APP: variants seen among roughly 807,000 people sequenced by gnomAD.
APP encodes the protein amyloid-beta precursor protein.
A neutral mutation model predicts 101.4 loss-of-function variants in APP; 31 were observed. The observed-to-expected ratio is 0.31, with a 90% CI of 0.23 to 0.41. APP has a LOEUF of 0.41. Among genes scored for constraint, APP ranks in the 10% least tolerant of loss-of-function variants. The probability of loss-of-function intolerance (pLI) is 1.00; values close to 1 mark genes in which losing one functional copy is unlikely to be tolerated. For missense variants in APP, 839 were observed against 1,003.7 expected, an observed-to-expected ratio of 0.84 and a Z score of 2.22; for synonymous variants, 366 against 364.4, an observed-to-expected ratio of 1.00 and a Z score of -0.05.
intron 1 of APP, among the ~76,000 whole-genome samples, chr21:26,137,166 G>GCCCAGGCTAAC (rs1304491414): frequency 6.6e-6 from 1 of 152,154 alleles, no homozygotes; most frequent in Non-Finnish European, 1.5e-5. Flanking sequence ...AACATCAAGT[G>GCCCAGGCTAAC]ATCCGCCCAC....
At chr21:25,974,085 G>A (rs1233968113) in intron 11 of APP, among the ~76,000 whole-genome samples, 1 of 151,874 alleles carries the variant, frequency 6.6e-6, no homozygotes, top group Admixed American at 6.6e-5. Flanking sequence ...CCTTTTTGGG[G>A]CAATGATCAC....
chr21:26,099,134 C>A (rs1339162495), intron 2 of APP, among the ~76,000 whole-genome samples: 1 of 150,734 alleles, frequency 6.6e-6, no homozygotes, highest in East Asian at 1.9e-4. Flanking sequence ...AGGAAACAGC[C>A]AGGTTTCTAA....
chr21:26,156,556 C>G (rs1379002747), intron 1 of APP, among the ~76,000 whole-genome samples: 1 of 151,914 alleles, frequency 6.6e-6, no homozygotes, highest in Non-Finnish European at 1.5e-5. Context: ...TATTTTAAAT[C>G]AGATAAAGCA....
At chr21:26,072,165 C>A (rs918069038) in intron 3 of APP, among the ~76,000 whole-genome samples, 18 of 152,160 alleles carry the variant, frequency 1.2e-4, no homozygotes, top group African/African-American at 4.3e-4. Context: ...CAAAAGACAT[C>A]TTTTATAACA....
intron 9 of APP, among the ~76,000 whole-genome samples, chr21:25,980,830 C>T (rs2146595292): frequency 6.6e-6 from 1 of 152,240 alleles, no homozygotes; most frequent in South Asian, 2.1e-4. Flanking sequence ...TTACTCAGCT[C>T]CCAAGAAGCC....
rs143442850 is a variant in APP, at chr21:26,012,935, G to A, written c.865+8905C>T. On this transcript the variant is annotated intron_variant, in intron 6 of 17. Transcript: ENST00000346798. ...ACGGAGGTTGCAGTGAGCCAAGATC[G>A]TGCCACTGAATCCCAGCCTGGGTGA... Among the ~76,000 whole-genome samples, 6 of 152,064 alleles carry A rather than the reference G, an allele frequency of 3.9e-5. No homozygotes were observed. The East Asian group carries it at 9.7e-4, about 24-fold the overall frequency.
At chr21:25,926,431 T>C (rs567816824) in intron 13 of APP, among the ~76,000 whole-genome samples, 120 of 152,242 alleles carry the variant, frequency 7.9e-4, no homozygotes, top group Non-Finnish European at 1.1e-3. Flanking sequence ...CCATCTGCGA[T>C]GCCAAAGCCA....
chr21:25,882,894 T>G (rs532586488), intron 17 of APP, among the ~76,000 whole-genome samples: 2 of 152,150 alleles, frequency 1.3e-5, no homozygotes, highest in Admixed American at 6.5e-5. Flanking sequence ...TTCCCCCTTG[T>G]TGAGTGTTGC....
intron 5 of APP, among the ~76,000 whole-genome samples, chr21:26,028,880 A>C (rs1176765185): frequency 1.3e-5 from 2 of 152,180 alleles, no homozygotes; most frequent in Non-Finnish European, 2.9e-5. Flanking sequence ...AGATGGGGCT[A>C]ATTGCTAATG....
chr21:26,075,190 A>T (rs2061479344), intron 3 of APP, among the ~76,000 whole-genome samples: 1 of 152,188 alleles, frequency 6.6e-6, no homozygotes, highest in South Asian at 2.1e-4. Flanking sequence ...CTATATATTT[A>T]TTAAATATGT....
chr21:26,091,719 G>T (rs1449759390), intron 2 of APP, among the ~76,000 whole-genome samples: 3 of 152,124 alleles, frequency 2.0e-5, no homozygotes, highest in African/African-American at 7.2e-5. Context: ...GCTGAGGTAG[G>T]GGGGCTTTTA....
chr21:26,149,099 A>G (rs13049230), intron 1 of APP, among the ~76,000 whole-genome samples: 50,902 of 152,052 alleles, frequency 0.33, 8,804 homozygotes, highest in African/African-American at 0.43. Context: ...GCTGGCAGCC[A>G]GGAACTGAGG....
At chr21:25,969,216 C>T (rs1477963883) in intron 11 of APP, among the ~76,000 whole-genome samples, 3 of 150,682 alleles carry the variant, frequency 2.0e-5, no homozygotes, top group African/African-American at 4.9e-5. Flanking sequence ...GGCATGGTGG[C>T]GGGTGCCTGT....
chr21:25,901,756 C>T (rs1468570431), intron 15 of APP, among the ~76,000 whole-genome samples: 1 of 152,128 alleles, frequency 6.6e-6, no homozygotes, highest in Non-Finnish European at 1.5e-5. Flanking sequence ...TCCTGTAAGT[C>T]ATGATGAGTG....
Position 25,898,314 on chromosome 21 carries a change from C to G in APP, c.1964-641G>C, listed in dbSNP as rs538896518. On this transcript the variant is annotated intron_variant, in intron 15 of 17. Transcript: ENST00000346798. ...CTTAGCAACTAACAGAATTTATAAC[C>G]TACGAACTCTTCCTTTTCTATAAAT... Among the ~76,000 whole-genome samples, 348 of 152,314 alleles carry G rather than the reference C, an allele frequency of 2.3e-3. 1 individual carries two copies. Among genetic ancestry groups the G allele is most frequent in the Middle Eastern group, 0.017 (5 of 294 alleles).
intron 6 of APP, among the ~76,000 whole-genome samples, chr21:26,018,421 T>C (rs1014253046): frequency 2.0e-5 from 3 of 152,240 alleles, no homozygotes; most frequent in African/African-American, 4.8e-5. Flanking sequence ...AAATGAGTAA[T>C]CACCTATGGC....
intron 1 of APP, among the ~76,000 whole-genome samples, chr21:26,154,736 T>G (rs949963181): frequency 2.6e-5 from 4 of 152,152 alleles, no homozygotes; most frequent in Admixed American, 6.5e-5. Context: ...TGTGGGTGAT[T>G]TTGAACAACT....
intron 1 of APP, among the ~76,000 whole-genome samples, chr21:26,150,198 A>G (rs978616174): frequency 1.1e-4 from 16 of 152,178 alleles, no homozygotes; most frequent in African/African-American, 3.9e-4. Context: ...AACTGTGGAG[A>G]AGTCACAAGA....
At chr21:25,991,916 T>C (rs951977839) in intron 8 of APP, among the ~76,000 whole-genome samples, 3 of 152,340 alleles carry the variant, frequency 2.0e-5, no homozygotes, top group South Asian at 2.1e-4. Context: ...AGCAGAGACA[T>C]AATGAACATT....
Sources: gnomAD v4.1 joint callset for allele counts (sites outside exome capture counted in the v4.1 genomes callset) on GRCh38, gnomAD v4.1.1 for gene constraint, MANE v1.5 for transcripts, NCBI Gene and HGNC (gene_info 2026-07-23, HGNC 2026-07-21) for gene names.